The following CLEC6A variants were observed in gnomAD, a reference collection of about 807,000 sequenced individuals.
CLEC6A encodes the protein C-type lectin domain family 6 member A.
In CLEC6A, 22 loss-of-function variants were observed where a neutral mutation model predicts 25.7. The ratio of observed to expected loss-of-function variants is 0.85; its 90% CI spans 0.61 to 1.22. The LOEUF (loss-of-function observed/expected upper bound fraction) is 1.22, where lower values mean the gene tolerates loss of function less well. CLEC6A is among the 50% of genes most tolerant of loss of function. The pLI is 0.00. For missense variants in CLEC6A, 240 were observed against 236.8 expected (o/e 1.01, Z -0.09); for synonymous variants, 92 against 76.7 (o/e 1.20, Z -1.04).
intron 5 of CLEC6A, 65 bp from the exon 6 acceptor site, chr12:8,477,255 T>C: frequency 7.3e-7 from 1 of 1,373,002 alleles, no homozygotes. Context: ...CCCAGACTTT[T>C]ATACTTTCTA....
intron 4 of CLEC6A, among the ~76,000 whole-genome samples, chr12:8,469,402 A>G (rs1318932546): frequency 1.3e-5 from 2 of 152,026 alleles, no homozygotes; most frequent in South Asian, 2.1e-4. Flanking sequence ...TAAAAGTACC[A>G]CCATCATTCC....
intron 4 of CLEC6A, among the ~76,000 whole-genome samples, chr12:8,469,260 A>G (rs778119578): frequency 6.6e-6 from 1 of 152,310 alleles, no homozygotes; most frequent in Admixed American, 6.5e-5. Flanking sequence ...GAAAACTACA[A>G]AACACTGCTG....
intron 3 of CLEC6A, among the ~76,000 whole-genome samples, chr12:8,463,115 A>G (rs931536589): frequency 1.7e-5 from 1 of 59,918 alleles, no homozygotes; most frequent in Non-Finnish European, 4.2e-5. Flanking sequence ...TCATTTTTCT[A>G]TCCCCTTGAA....
At position 8,467,959 on chromosome 12, in the gene CLEC6A, C is replaced by CCCA. The variant is rs1454952733; in HGVS notation, c.369+2331_369+2332insCAC. Among the ~76,000 whole-genome samples, 146 of 151,392 alleles carry CCCA rather than the reference C, an allele frequency of 9.6e-4. 1 individual carries two copies. Among genetic ancestry groups the CCCA allele is most frequent in the East Asian group, 3.9e-4 (2 of 5,168 alleles). The stretch of plus-strand genomic sequence containing the variant: ...TATTTATTTTGCTTTTTTTTTTTCC[C>CCCA]CAAGACGGAGTTTTGCTCTGTCACC... On this transcript the variant is annotated intron_variant, in intron 4 of 5. Coordinates refer to ENST00000382073, the MANE Select transcript of CLEC6A (RefSeq NM_001007033.2).
chr12:8,460,772 G>T, intron 3 of CLEC6A: 1 of 1,394,072 alleles, frequency 7.2e-7, no homozygotes, highest in South Asian at 1.2e-5. Context: ...GGCCGACTGG[G>T]CTACAAGGCC....
chr12:8,461,200 T>C (rs746424355), intron 3 of CLEC6A: 3 of 962,168 alleles, frequency 3.1e-6, no homozygotes, highest in Non-Finnish European at 4.9e-6. Flanking sequence ...TTGGAGAATG[T>C]GCAATACTCT....
At position 8,469,526 on chromosome 12, in the gene CLEC6A, C is replaced by G. The variant is rs1177917425; in HGVS notation, c.369+3897C>G. On this transcript the variant is annotated intron_variant, in intron 4 of 5. Coordinates refer to ENST00000382073, the MANE Select transcript of CLEC6A (RefSeq NM_001007033.2). ...GATCTGGAGGCATTACATTACCTAACTCTAAACTATACTATAAGGCCGTAT... is the reference window on the plus strand; with the variant it reads ...GATCTGGAGGCATTACATTACCTAAGTCTAAACTATACTATAAGGCCGTAT... Among the ~76,000 whole-genome samples, 5 of 152,058 alleles carry G rather than the reference C, an allele frequency of 3.3e-5. No individual in the cohort carries two copies. In the East Asian group the frequency reaches 9.6e-4, roughly 29 times the overall value.
chr12:8,465,698 C>T, intron 4 of CLEC6A, 69 bp downstream of exon 4: 2 of 1,384,542 alleles, frequency 1.4e-6, no homozygotes, highest in Non-Finnish European at 2.0e-6. Context: ...CTGTCATAAC[C>T]ATTTTTCAGT....
chr12:8,460,288 G>T (rs1045097604), intron 3 of CLEC6A, among the ~76,000 whole-genome samples: 1 of 152,176 alleles, frequency 6.6e-6, no homozygotes, highest in Non-Finnish European at 1.5e-5. Flanking sequence ...ACGTGGCTGG[G>T]GAGACCTCAC....
At chr12:8,467,808 T>C (rs1939854059) in intron 4 of CLEC6A, among the ~76,000 whole-genome samples, 1 of 152,200 alleles carries the variant, frequency 6.6e-6, no homozygotes, top group African/African-American at 2.4e-5. Flanking sequence ...AAACATGAGA[T>C]GTATTTCCAT....
intron 4 of CLEC6A, among the ~76,000 whole-genome samples, chr12:8,475,777 C>T (rs1939966510): frequency 6.6e-6 from 1 of 151,970 alleles, no homozygotes; most frequent in Admixed American, 6.6e-5. Flanking sequence ...CACCCCTTGG[C>T]CCAGTCAGAT....
chr12:8,460,978 G>A (rs548471385), intron 3 of CLEC6A: 46 of 1,073,986 alleles, frequency 4.3e-5, no homozygotes, highest in South Asian at 3.8e-4. Context: ...TTCTTACTGC[G>A]TTGGTGAAGA....
intron 4 of CLEC6A, among the ~76,000 whole-genome samples, chr12:8,473,490 A>G (rs1565484468): frequency 6.6e-6 from 1 of 152,146 alleles, no homozygotes; most frequent in Non-Finnish European, 1.5e-5. Context: ...ATAGGCACCT[A>G]GGTCGATTCC....
At chr12:8,463,847 C>T (rs997642610) in intron 3 of CLEC6A, among the ~76,000 whole-genome samples, 7 of 152,160 alleles carry the variant, frequency 4.6e-5, no homozygotes, top group South Asian at 2.1e-4. Context: ...ATACTATTAA[C>T]GTTAGCATAC....
intron 3 of CLEC6A, among the ~76,000 whole-genome samples, chr12:8,465,211 T>A (rs769371569): frequency 2.7e-5 from 4 of 149,216 alleles, no homozygotes; most frequent in Non-Finnish European, 4.4e-5. Context: ...TGATAATGTA[T>A]AAGGGACATG....
rs188179960 is a variant in CLEC6A at position 8,475,549 on chromosome 12, T to C, written c.370-576T>C. Among the ~76,000 whole-genome samples, 6 of 152,142 alleles carry C rather than the reference T, an allele frequency of 3.9e-5. No homozygotes were observed. The East Asian group carries it at 1.2e-3, about 29-fold the overall frequency. On this transcript the variant is annotated intron_variant, in intron 4 of 5. Transcript: ENST00000382073. ...TCCAGGGGAACCAATGGTGTAAATCTAGTCCAAGGCTAGTAAAAGATTGAT... is the reference window on the plus strand; with the variant it reads ...TCCAGGGGAACCAATGGTGTAAATCCAGTCCAAGGCTAGTAAAAGATTGAT...
Position 8,457,956 on chromosome 12 carries a change from C to A in CLEC6A, c.90C>A (p.Leu30=). The A allele has an allele frequency of 6.2e-7, 1 of 1,613,514 alleles. No individual in the cohort carries two copies. Among genetic ancestry groups the A allele is most frequent in the South Asian group, 1.1e-5 (1 of 91,070 alleles). Residue 30 remains leucine (L), a synonymous_variant, in exon 2 of 6, where the codon CTC becomes CTA. Transcript: ENST00000382073. ...LWSVAGISIA[L]LSACFIVSCV... ...CTGTGGCTGGGATTTCCATTGCACT[C>A]CTCAGTGCTTGCTTCATTGTGAGCT... is the stretch of plus-strand genomic sequence containing the variant.
Position 8,473,524 on chromosome 12 carries a change from A to G in CLEC6A, c.370-2601A>G, listed in dbSNP as rs781641380. Among the ~76,000 whole-genome samples, 9 of 152,248 alleles carry G rather than the reference A, an allele frequency of 5.9e-5. No individual in the cohort carries two copies. The South Asian group carries it at 1.9e-3, about 32-fold the overall frequency. ...CCATGTTTTTACTATTGGAAATACCATTGCAATGAACATATGAGTACATAC... is the reference window on the plus strand; with the variant it reads ...CCATGTTTTTACTATTGGAAATACCGTTGCAATGAACATATGAGTACATAC... On this transcript the variant is annotated intron_variant, in intron 4 of 5. Transcript: ENST00000382073.
intron 3 of CLEC6A, among the ~76,000 whole-genome samples, chr12:8,463,363 A>T (rs926515404): frequency 6.6e-6 from 1 of 152,190 alleles, no homozygotes; most frequent in Non-Finnish European, 1.5e-5. Context: ...GATGAGTGGA[A>T]CTTTGAAAAA....
Sources: allele counts gnomAD v4.1 joint callset (sites outside exome capture counted in the v4.1 genomes callset), GRCh38; gene constraint gnomAD v4.1.1; transcripts MANE v1.5; gene names NCBI Gene and HGNC (gene_info 2026-07-23, HGNC 2026-07-21).